The following MAPK4 variants were observed in gnomAD, a reference collection of about 807,000 sequenced individuals.
MAPK4 encodes Erk3-related.
Under a neutral mutation model 47.7 loss-of-function variants are expected in MAPK4, and 22 were observed. The ratio of observed to expected loss-of-function variants is 0.46; its 90% CI spans 0.33 to 0.66. The LOEUF is 0.66. Among genes scored for constraint, MAPK4 ranks in the 30% least tolerant of loss-of-function variants. The probability of loss-of-function intolerance (pLI) is 0.02; values close to 1 mark genes in which losing one functional copy is unlikely to be tolerated. For synonymous variants in MAPK4, 390 were observed against 365.7 expected, an observed-to-expected ratio of 1.07 and a Z score of -0.76; for missense variants, 736 against 831.7, an observed-to-expected ratio of 0.88 and a Z score of 1.42.
chr18:50,677,289 G>C (rs1053159803), intron 2 of MAPK4, among the ~76,000 whole-genome samples: 9 of 152,172 alleles, frequency 5.9e-5, no homozygotes, highest in African/African-American at 2.2e-4. Flanking sequence ...TGTTAACAAT[G>C]GTTCGACAAG....
chr18:50,679,497 A>C (rs1908460786), intron 2 of MAPK4, among the ~76,000 whole-genome samples: 1 of 152,076 alleles, frequency 6.6e-6, no homozygotes, highest in Non-Finnish European at 1.5e-5. Flanking sequence ...CCTCATACCA[A>C]CCCTCTGAGA....
At chr18:50,692,304 C>T (rs1287521866) in intron 2 of MAPK4, among the ~76,000 whole-genome samples, 1 of 152,188 alleles carries the variant, frequency 6.6e-6, no homozygotes, top group Non-Finnish European at 1.5e-5. Context: ...GGAATTGGCC[C>T]TCATTCTCCG....
chr18:50,661,910 C>T (rs2043176095), intron 1 of MAPK4, among the ~76,000 whole-genome samples: 1 of 152,216 alleles, frequency 6.6e-6, no homozygotes, highest in Non-Finnish European at 1.5e-5. Context: ...TAAACAGCAA[C>T]AATAGGTAAC....
chr18:50,672,869 G>A (rs962146180), intron 2 of MAPK4, among the ~76,000 whole-genome samples: 3 of 152,178 alleles, frequency 2.0e-5, no homozygotes, highest in African/African-American at 7.2e-5. Flanking sequence ...TCAGCAACTG[G>A]CCCAGCTATC....
At chr18:50,721,837 C>T (rs1910949821) in intron 3 of MAPK4, 101 bp from the exon 4 acceptor site, 2 of 1,171,166 alleles carry the variant, frequency 1.7e-6, no homozygotes, top group South Asian at 1.4e-5. Context: ...TGCCCCACTG[C>T]CCTGTGTTGT....
chr18:50,719,091 A>AG (rs1257281038), intron 3 of MAPK4, among the ~76,000 whole-genome samples: 1 of 151,562 alleles, frequency 6.6e-6, no homozygotes, highest in East Asian at 1.9e-4. Context: ...CTCAAAAAAA[A>AG]AAAAAAAAAG....
At chr18:50,673,092 C>A (rs1298894502) in intron 2 of MAPK4, among the ~76,000 whole-genome samples, 1 of 152,090 alleles carries the variant, frequency 6.6e-6, no homozygotes, top group Non-Finnish European at 1.5e-5. Context: ...GCCTGGCCAA[C>A]ATGGTGAAAC....
At chr18:50,645,007 C>T (rs2042975059) in intron 1 of MAPK4, among the ~76,000 whole-genome samples, 1 of 152,140 alleles carries the variant, frequency 6.6e-6, no homozygotes. Flanking sequence ...TGGGGATTTG[C>T]AGGCGAGAGC....
intron 1 of MAPK4, among the ~76,000 whole-genome samples, chr18:50,644,459 G>A (rs1008727992): frequency 9.9e-5 from 15 of 152,100 alleles, no homozygotes; most frequent in African/African-American, 3.6e-4. Flanking sequence ...CTAGAGCAGG[G>A]AGAACAGACA....
At chr18:50,568,286 A>T (rs1258465207) in intron 1 of MAPK4, among the ~76,000 whole-genome samples, 1 of 152,192 alleles carries the variant, frequency 6.6e-6, no homozygotes, top group Non-Finnish European at 1.5e-5. Context: ...GTTTCAGGCT[A>T]AACATTTTGT....
chr18:50,670,479 G>A lies in MAPK4; in HGVS notation c.546+5975G>A, dbSNP rs551829319. ...TGCCTTAAAAATTAACTAGCAGGCC[G>A]GGTGTGGTGGCTCACGCCTGCAATC... On this transcript the variant is annotated intron_variant, in intron 2 of 5. Coordinates refer to ENST00000400384, the MANE Select transcript of MAPK4 (RefSeq NM_002747.4). Among the ~76,000 whole-genome samples, 16 of 152,260 alleles carry A rather than the reference G, an allele frequency of 1.1e-4. No individual in the cohort carries two copies. The South Asian group carries it at 2.7e-3, about 26-fold the overall frequency.
chr18:50,637,438 C>G (rs566208381), intron 1 of MAPK4, among the ~76,000 whole-genome samples: 1 of 152,220 alleles, frequency 6.6e-6, no homozygotes, highest in South Asian at 2.1e-4. Context: ...AGAATTTGAA[C>G]CAAAGAACCC....
At chr18:50,607,072 G>A (rs1472000425) in intron 1 of MAPK4, among the ~76,000 whole-genome samples, 10 of 152,174 alleles carry the variant, frequency 6.6e-5, no homozygotes, top group Admixed American at 4.6e-4. Flanking sequence ...CTCTCTCTGC[G>A]GAATGATACA....
chr18:50,706,457 GT>G (rs762283107), intron 2 of MAPK4, among the ~76,000 whole-genome samples: 2,129 of 140,262 alleles, frequency 0.015, 119 homozygotes, highest in Admixed American at 0.11. Flanking sequence ...CTGAACGTCA[GT>G]TTTTTTTTTT....
intron 1 of MAPK4, among the ~76,000 whole-genome samples, chr18:50,565,292 A>G (rs1439584654): frequency 1.3e-5 from 2 of 152,168 alleles, no homozygotes; most frequent in Non-Finnish European, 2.9e-5. Flanking sequence ...TCATAGGTGA[A>G]ATGAGGGGCA....
intron 2 of MAPK4, chr18:50,704,762 C>T: frequency 2.5e-6 from 1 of 398,632 alleles, no homozygotes; most frequent in Non-Finnish European, 4.4e-6. Flanking sequence ...TCGTTACCCT[C>T]CCTGCCTCTG....
intron 3 of MAPK4, 48 bp downstream of exon 3, chr18:50,715,271 T>C: frequency 6.3e-7 from 1 of 1,578,722 alleles, no homozygotes; most frequent in South Asian, 1.2e-5. Flanking sequence ...CGTCGTTCCA[T>C]AGAAAGGGGA....
At position 50,729,776 on chromosome 18, in the gene MAPK4, C is replaced by T. The variant is rs751794197; in HGVS notation, c.1686C>T (p.Gly562=). The T allele has an allele frequency of 8.7e-6, 14 of 1,611,954 alleles. No homozygotes were observed. The highest frequency in any genetic ancestry group is 1.7e-4 in the Middle Eastern group (1 of 6,060). Residue 562 remains glycine (G), a synonymous_variant, in exon 6 of 6, where the codon GGC becomes GGT. Transcript: ENST00000400384. The stretch of plus-strand genomic sequence containing the variant: ...AGGACCTGCCGGACAATAAACTGGG[C>T]GACCTCAATGGTGCGTGCATCCCCG... ...KPEDLPDNKL[G]DLNGACIPEH...
chr18:50,575,948 A>C (rs1192161287), intron 1 of MAPK4, among the ~76,000 whole-genome samples: 3 of 152,276 alleles, frequency 2.0e-5, no homozygotes, highest in Non-Finnish European at 4.4e-5. Flanking sequence ...GTGAATTACC[A>C]CCTCACACCA....
Sources: allele counts gnomAD v4.1 joint callset (sites outside exome capture counted in the v4.1 genomes callset), GRCh38; gene constraint gnomAD v4.1.1; transcripts MANE v1.5; gene names NCBI Gene and HGNC (gene_info 2026-07-23, HGNC 2026-07-21).